Variants in NTRK3 observed in about 807,000 individuals in gnomAD.
NTRK3 encodes NT-3 growth factor receptor.
NTRK3 carries 24 observed loss-of-function variants against 91.7 expected under a neutral mutation model. The ratio of observed to expected loss-of-function variants is 0.26; its 90% confidence interval spans 0.19 to 0.37. The LOEUF (loss-of-function observed/expected upper bound fraction) is 0.37, where lower values mean the gene tolerates loss of function less well. Among genes scored for constraint, NTRK3 ranks in the 10% least tolerant of loss-of-function variants. The pLI is 1.00. For synonymous variants in NTRK3, 483 were observed against 404.0 expected, an observed-to-expected ratio of 1.20 and a Z score of -2.34; for missense variants, 880 against 1,068.9, an observed-to-expected ratio of 0.82 and a Z score of 2.46.
chr15:88,088,240 G>A (rs565618865), intron 13 of NTRK3, among the ~76,000 whole-genome samples: 2 of 152,318 alleles, frequency 1.3e-5, no homozygotes, highest in South Asian at 2.1e-4. Flanking sequence ...TGAGAGAAAA[G>A]CCAGCAAGAC....
chr15:87,945,803 G>GAA (rs34162356), intron 14 of NTRK3, among the ~76,000 whole-genome samples: 42 of 106,752 alleles, frequency 3.9e-4, no homozygotes, highest in Admixed American at 1.5e-3. Flanking sequence ...TGAAGACTGG[G>GAA]AAAAAAAAAA....
rs142601612 is a variant in NTRK3 at position 87,983,275 on chromosome 15, A to T, written c.1586-42522T>A. On this transcript the variant is annotated intron_variant, in intron 14 of 18. Transcript: ENST00000394480. ...CGCTGGGGCCCTGGGTGGTAGACTAACAGGGAGCCAGAAGGCAATGCAGTG... is the reference window on the plus strand; with the variant it reads ...CGCTGGGGCCCTGGGTGGTAGACTATCAGGGAGCCAGAAGGCAATGCAGTG... Among the ~76,000 whole-genome samples the T allele has an allele frequency of 1.5e-3, 221 of 152,352 alleles. 3 individuals carry two copies. The highest frequency in any genetic ancestry group is 0.01 in the Middle Eastern group (3 of 294).
intron 17 of NTRK3, among the ~76,000 whole-genome samples, chr15:87,904,154 ATT>A (rs11385386): frequency 4.9e-5 from 7 of 142,756 alleles, no homozygotes; most frequent in African/African-American, 1.0e-4. Flanking sequence ...TACAATAAGC[ATT>A]TTTTTTTTTT....
At chr15:87,965,068 T>A (rs1018063197) in intron 14 of NTRK3, among the ~76,000 whole-genome samples, 1 of 152,196 alleles carries the variant, frequency 6.6e-6, no homozygotes, top group African/African-American at 2.4e-5. Context: ...ATCTTATTTT[T>A]AAAAAAAGGT....
chr15:87,938,750 C>T (rs1031488911), intron 15 of NTRK3, among the ~76,000 whole-genome samples: 5 of 152,116 alleles, frequency 3.3e-5, no homozygotes, highest in African/African-American at 4.8e-5. Context: ...TAGTGTCATC[C>T]TATATATTAA....
intron 13 of NTRK3, among the ~76,000 whole-genome samples, chr15:88,078,127 C>A (rs746152781): frequency 1.2e-4 from 19 of 152,174 alleles, no homozygotes; most frequent in Admixed American, 4.6e-4. Flanking sequence ...GTGTATACAT[C>A]ATGTCCTTGA....
intron 5 of NTRK3, among the ~76,000 whole-genome samples, chr15:88,148,248 A>G (rs1315140671): frequency 2.0e-5 from 3 of 152,236 alleles, no homozygotes; most frequent in African/African-American, 7.2e-5. Context: ...ATACACACAC[A>G]TATGCTTACA....
intron 14 of NTRK3, among the ~76,000 whole-genome samples, chr15:88,030,979 T>C (rs1356381049): frequency 2.0e-5 from 3 of 152,186 alleles, no homozygotes; most frequent in African/African-American, 4.8e-5. Context: ...TTCTGAAGTA[T>C]TGGCTAGTGT....
At chr15:88,244,113 C>A (rs2052616753) in intron 3 of NTRK3, among the ~76,000 whole-genome samples, 1 of 152,114 alleles carries the variant, frequency 6.6e-6, no homozygotes, top group African/African-American at 2.4e-5. Flanking sequence ...TGAATTGGAA[C>A]CATAGAGCGT....
chr15:87,932,728 C>T (rs775978878), intron 16 of NTRK3, among the ~76,000 whole-genome samples: 1 of 152,176 alleles, frequency 6.6e-6, no homozygotes, highest in Non-Finnish European at 1.5e-5. Flanking sequence ...GTGGGGCTTC[C>T]AGACTCCTTC....
At chr15:88,225,121 C>A (rs1157229453) in intron 3 of NTRK3, among the ~76,000 whole-genome samples, 1 of 152,060 alleles carries the variant, frequency 6.6e-6, no homozygotes, top group Non-Finnish European at 1.5e-5. Context: ...GCGGAGTGTA[C>A]CCCTGGGCCA....
intron 13 of NTRK3, among the ~76,000 whole-genome samples, chr15:88,101,561 T>C (rs1379490258): frequency 6.6e-6 from 1 of 152,228 alleles, no homozygotes; most frequent in Non-Finnish European, 1.5e-5. Flanking sequence ...TAAAGACACA[T>C]GCACTCGTAT....
At chr15:87,972,044 T>C (rs935066748) in intron 14 of NTRK3, among the ~76,000 whole-genome samples, 1 of 152,236 alleles carries the variant, frequency 6.6e-6, no homozygotes, top group Admixed American at 6.5e-5. Context: ...CCAGGCCATA[T>C]TAGACAGCAG....
chr15:88,191,432 C>A (rs916861401), intron 3 of NTRK3, among the ~76,000 whole-genome samples: 2 of 152,168 alleles, frequency 1.3e-5, no homozygotes, highest in Non-Finnish European at 2.9e-5. Context: ...AAGCAATCAG[C>A]CTGCCTAGGC....
At chr15:88,177,432 G>T (rs1040993125) in intron 5 of NTRK3, among the ~76,000 whole-genome samples, 1 of 152,030 alleles carries the variant, frequency 6.6e-6, no homozygotes, top group East Asian at 1.9e-4. Context: ...GGATGGAAAG[G>T]GTAAACAAGC....
intron 17 of NTRK3, among the ~76,000 whole-genome samples, chr15:87,898,969 C>T (rs1275532071): frequency 1.3e-5 from 2 of 152,230 alleles, no homozygotes; most frequent in African/African-American, 2.4e-5. Context: ...GAGCACGCTT[C>T]TTGCAAATAT....
intron 5 of NTRK3, among the ~76,000 whole-genome samples, chr15:88,170,688 C>T (rs932470032): frequency 1.3e-5 from 2 of 152,144 alleles, no homozygotes; most frequent in Non-Finnish European, 2.9e-5. Context: ...AGAACCAGAC[C>T]GCCACACCCT....
At chr15:88,142,920 C>T (rs2042526250) in intron 6 of NTRK3, among the ~76,000 whole-genome samples, 1 of 152,072 alleles carries the variant, frequency 6.6e-6, no homozygotes, top group Non-Finnish European at 1.5e-5. Context: ...AACTGGTACC[C>T]TTAAAAAAGA....
chr15:88,126,248 T>C, intron 13 of NTRK3, 23 bp downstream of exon 13: 1 of 1,542,144 alleles, frequency 6.5e-7, no homozygotes, highest in Non-Finnish European at 9.0e-7. Flanking sequence ...ATGACGCCCT[T>C]GAAAATGAAA....
Sources: gnomAD v4.1 joint callset for allele counts (sites outside exome capture counted in the v4.1 genomes callset) on GRCh38, gnomAD v4.1.1 for gene constraint, MANE v1.5 for transcripts, NCBI Gene and HGNC (gene_info 2026-07-23, HGNC 2026-07-21) for gene names.